Variants in PLA2G6 observed in about 807,000 individuals in gnomAD.
The protein encoded by PLA2G6 is 85/88 kDa calcium-independent phospholipase A2.
Under a neutral mutation model 83.8 loss-of-function variants are expected in PLA2G6, and 62 were observed. That is an observed-to-expected ratio of 0.74 (90% CI 0.60 to 0.91). The LOEUF (loss-of-function observed/expected upper bound fraction) is 0.91, where lower values mean the gene tolerates loss of function less well. PLA2G6 is among the 40% of genes least tolerant of loss of function. PLA2G6 has a pLI of 0.00. For missense variants in PLA2G6, 944 were observed against 1,102.0 expected (o/e 0.86, Z 2.03); for synonymous variants, 417 against 449.8 (o/e 0.93, Z 0.92).
rs978379893 is a variant in PLA2G6, at chr22:38,168,675, C to T, written c.209+543G>A. Among the ~76,000 whole-genome samples, 5 of 152,184 alleles carry T rather than the reference C, an allele frequency of 3.3e-5. No homozygotes were observed. In the East Asian group the frequency reaches 9.6e-4, roughly 29 times the overall value. On this transcript the variant is annotated intron_variant, in intron 2 of 16. Coordinates refer to ENST00000332509, the MANE Select transcript of PLA2G6 (RefSeq NM_003560.4). ...GACCAGCCTGGCCAATATGATGAAA[C>T]CCCGTCTCTGCTAAAAATACAAAAA...
intron 6 of PLA2G6, 50 bp from the exon 7 acceptor site, chr22:38,133,063 G>A (rs748425468): frequency 7.9e-6 from 12 of 1,517,760 alleles, no homozygotes; most frequent in Middle Eastern, 1.9e-4. Flanking sequence ...GGGAGCTGCC[G>A]CACCCCGGGA....
At chr22:38,148,216 T>C (rs2089375286) in intron 2 of PLA2G6, 1 of 373,070 alleles carries the variant, frequency 2.7e-6, no homozygotes, top group Admixed American at 4.4e-5. Context: ...AAGGACACAA[T>C]GTGAGAATCT....
chr22:38,134,797 G>A (rs983399465), intron 6 of PLA2G6, 191 bp downstream of exon 6: 22 of 590,476 alleles, frequency 3.7e-5, no homozygotes, highest in African/African-American at 5.6e-5. Flanking sequence ...GGATCCCCCC[G>A]CCCAGCCAGA....
intron 9 of PLA2G6, chr22:38,127,014 A>C (rs1208597854): frequency 6.5e-6 from 7 of 1,079,110 alleles, no homozygotes; most frequent in Non-Finnish European, 4.5e-6. Flanking sequence ...GATCAGGCCC[A>C]CCATCCACTC....
chr22:38,113,630 G>C lies in PLA2G6; in HGVS notation c.2059C>G (p.Leu687Val). 1.2e-6 allele frequency: 2 copies of C among 1,613,916 alleles called. No homozygotes were observed. The highest frequency in any genetic ancestry group is 1.7e-6 in the Non-Finnish European group (2 of 1,180,010). ...GTCCCCAGGGAGACAACGATGGAGA[G>C]TTTCTTCACCTTGTTGGCCTGACCC... ...RKGQANKVKK[L>V]SIVVSLGTGR... The change falls in exon 15 of 17, where the codon CTC becomes GTC. Residue 687 changes from leucine to valine, a missense_variant. Transcript: ENST00000332509.
At chr22:38,124,545 A>T (rs1731823992) in intron 10 of PLA2G6, among the ~76,000 whole-genome samples, 1 of 152,058 alleles carries the variant, frequency 6.6e-6, no homozygotes, top group Admixed American at 6.5e-5. Flanking sequence ...CAGCTTGATG[A>T]AGCTGAGAGA....
At chr22:38,174,199 A>T (rs142463931) in intron 1 of PLA2G6, among the ~76,000 whole-genome samples, 3 of 152,010 alleles carry the variant, frequency 2.0e-5, no homozygotes, top group Non-Finnish European at 2.9e-5. Flanking sequence ...GATTGAGACC[A>T]TCCTGGCTAA....
At position 38,112,808 on chromosome 22, in the gene PLA2G6, G is replaced by A; in HGVS notation, c.2203-231C>T. The stretch of plus-strand genomic sequence containing the variant: ...AGAGGTCTCAGCAGTGCCCTTTCAG[G>A]GATGATGAGTGGGGGAAAGGGTAGC... On this transcript the variant is annotated intron_variant, in intron 15 of 16. Transcript: ENST00000332509. 6.7e-6 allele frequency: 4 copies of A among 598,288 alleles called. No individual in the cohort carries two copies. The South Asian group carries it at 7.8e-5, about 12-fold the overall frequency. The allele number at this position is 598,288 out of a possible 1,614,324, so 37.1% of individuals were successfully genotyped here. A position where few individuals can be genotyped will look rare whatever the true frequency, so the allele number is the denominator to read the frequency against.
intron 7 of PLA2G6, chr22:38,130,395 G>C (rs1306095936): frequency 6.5e-6 from 1 of 152,726 alleles, no homozygotes; most frequent in Non-Finnish European, 1.5e-5. Flanking sequence ...TCAGCTCACT[G>C]CAACCTCTAC....
chr22:38,122,265 G>T (rs1212254971), intron 11 of PLA2G6, among the ~76,000 whole-genome samples: 1 of 152,124 alleles, frequency 6.6e-6, no homozygotes, highest in Non-Finnish European at 1.5e-5. Flanking sequence ...AGATGTGGGG[G>T]CGCTCTGGAG....
chr22:38,135,042 G>T lies in PLA2G6; in HGVS notation c.840C>A (p.His280Gln). 1 of 1,613,728 alleles carries T rather than the reference G, an allele frequency of 6.2e-7. No homozygotes were observed. Among genetic ancestry groups the T allele is most frequent in the Non-Finnish European group, 8.5e-7 (1 of 1,179,894 alleles). ...MIISMDSSQI[H>Q]SKDPRYGASP... ...TGGCTCCGTAACGGGGGTCTTTGCT[G>T]TGGATCTGGCTGCTGTCCATGCTGA... The change falls in exon 6 of 17, where the codon CAC becomes CAA. Residue 280 changes from histidine to glutamine, a missense_variant. Coordinates refer to ENST00000332509, the MANE Select transcript of PLA2G6 (RefSeq NM_003560.4).
rs777548266 is a variant in PLA2G6, at chr22:38,143,266, C to T, written c.448G>A (p.Glu150Lys). ...AGGTGCAGGGGTGTGCAGCCCTCCT[C>T]GTTCTCCGCGCAATTGGCACAGCTG... is the stretch of plus-strand genomic sequence containing the variant. ...IISCANCAEN[E>K]EGCTPLHLAC... is the part of the protein sequence containing the mutation. Residue 150 changes from glutamate to lysine, a missense_variant, in exon 4 of 17, where the codon GAG becomes AAG. Transcript: ENST00000332509. 64 of 1,613,022 alleles carry T rather than the reference C, an allele frequency of 4.0e-5. No individual in the cohort carries two copies. The highest frequency in any genetic ancestry group is 1.6e-4 in the Middle Eastern group (1 of 6,084).
rs2145685471 is a variant in PLA2G6, at chr22:38,116,110, T to C, written c.1844A>G (p.Gln615Arg). The change falls in exon 13 of 17, where the codon CAG (glutamine) becomes CGG (arginine). Residue 615 changes from glutamine (Q) to arginine (R), a missense_variant. Transcript: ENST00000332509. ...AGCTGGAGGCCTGAGGTTAACGTTCTGGTTGAAACGAGGCTCCCGGACAGT... is the reference window on the plus strand; with the variant it reads ...AGCTGGAGGCCTGAGGTTAACGTTCCGGTTGAAACGAGGCTCCCGGACAGT... ...PETVREPRFN[Q>R]NVNLRPPAQP... 6.2e-7 allele frequency: 1 copy of C among 1,614,116 alleles called. No individual in the cohort carries two copies. The highest frequency in any genetic ancestry group is 1.1e-5 in the South Asian group (1 of 91,084).
intron 10 of PLA2G6, 38 bp downstream of exon 10, chr22:38,126,333 C>T (rs1457440116): frequency 2.0e-6 from 3 of 1,509,040 alleles, no homozygotes; most frequent in South Asian, 1.1e-5. Context: ...GGAAAGCGCA[C>T]ACGTTCCCCG....
At chr22:38,129,395 CG>C (rs2088067873) in intron 8 of PLA2G6, 58 bp downstream of exon 8, 2 of 1,186,652 alleles carry the variant, frequency 1.7e-6, no homozygotes, top group Admixed American at 3.4e-5. Context: ...CCCTCCTCCT[CG>C]GTCCCTGTAT....
At chr22:38,158,165 C>G (rs1198681789) in intron 2 of PLA2G6, among the ~76,000 whole-genome samples, 1 of 147,190 alleles carries the variant, frequency 6.8e-6, no homozygotes, top group Non-Finnish European at 1.5e-5. Context: ...TTTTCTTTTT[C>G]TTTTCTTTTT....
chr22:38,140,324 A>G, intron 4 of PLA2G6, 155 bp from the exon 5 acceptor site: 1 of 677,282 alleles, frequency 1.5e-6, no homozygotes, highest in East Asian at 2.8e-5. Flanking sequence ...CCTGGCCAAC[A>G]TGGTGAAATG....
chr22:38,150,386 CTGAA>C, intron 2 of PLA2G6: 1 of 152,188 alleles, frequency 6.6e-6, no homozygotes, highest in Non-Finnish European at 1.5e-5. Flanking sequence ...GCCCTGAGCC[CTGAA>C]TGAACTACCA....
At chr22:38,167,374 AAATCTGGAATCCTGTC>A (rs2145921668) in intron 2 of PLA2G6, among the ~76,000 whole-genome samples, 1 of 152,336 alleles carries the variant, frequency 6.6e-6, no homozygotes, top group African/African-American at 2.4e-5. Flanking sequence ...TGGCTGAGAC[AAATCTGGAATCCTGTC>A]AAGGGATTTT....
Sources: allele counts gnomAD v4.1 joint callset (sites outside exome capture counted in the v4.1 genomes callset), GRCh38; gene constraint gnomAD v4.1.1; transcripts MANE v1.5; gene names NCBI Gene and HGNC (gene_info 2026-07-23, HGNC 2026-07-21).